RNF38: variants seen among roughly 807,000 people sequenced by gnomAD.
RNF38 encodes the protein E3 ubiquitin-protein ligase RNF38.
In RNF38, 15 loss-of-function variants were observed where a neutral mutation model predicts 67.2. That is an observed-to-expected ratio of 0.22 (90% CI 0.15 to 0.34). RNF38 has a LOEUF of 0.34. Ranked by LOEUF, RNF38 falls within the 10% of genes least tolerant of loss-of-function variation. The pLI is 1.00. For synonymous variants in RNF38, 220 were observed against 218.8 expected (o/e 1.01, Z -0.05); for missense variants, 524 against 639.9 (o/e 0.82, Z 1.95).
intron 1 of RNF38, among the ~76,000 whole-genome samples, chr9:36,462,546 T>TG (rs1839757759): frequency 6.6e-6 from 1 of 152,198 alleles, no homozygotes; most frequent in Non-Finnish European, 1.5e-5. Context: ...TGAACACTCC[T>TG]GTTCATGGAA....
chr9:36,487,259 G>C (rs1412960093), intron 1 of RNF38: 6 of 979,428 alleles, frequency 6.1e-6, no homozygotes, highest in Non-Finnish European at 7.3e-6. Context: ...CCCCACCCGC[G>C]GGACCGACCC....
At chr9:36,461,493 A>G (rs1295516940) in intron 1 of RNF38, among the ~76,000 whole-genome samples, 1 of 152,196 alleles carries the variant, frequency 6.6e-6, no homozygotes, top group Non-Finnish European at 1.5e-5. Context: ...CTGTAAATTC[A>G]AGTGCAATGG....
chr9:36,427,047 A>AT (rs1276797729), intron 1 of RNF38, among the ~76,000 whole-genome samples: 4 of 151,970 alleles, frequency 2.6e-5, no homozygotes, highest in Admixed American at 1.3e-4. Flanking sequence ...TAAGTCCTCA[A>AT]TTTTTTTTGC....
intron 1 of RNF38, among the ~76,000 whole-genome samples, chr9:36,434,260 GAGGGGAGGGGGGGAAGGGAT>G (rs894594165): frequency 1.6e-5 from 2 of 124,764 alleles, no homozygotes; most frequent in African/African-American, 6.1e-5. Context: ...GGGGAGGGGA[GAGGGGAGGGGGGGAAGGGAT>G]AGGGGAGAAG....
intron 2 of RNF38, among the ~76,000 whole-genome samples, chr9:36,422,574 T>A (rs1838660152): frequency 6.6e-6 from 1 of 152,248 alleles, no homozygotes; most frequent in South Asian, 2.1e-4. Flanking sequence ...TAGCTACCTA[T>A]CGATAAGTAC....
chr9:36,376,918 C>A (rs1385441713), intron 2 of RNF38, among the ~76,000 whole-genome samples: 3 of 106,268 alleles, frequency 2.8e-5, no homozygotes, highest in African/African-American at 1.1e-4. Flanking sequence ...AAGAGTGAGA[C>A]TCTGTCTCAA....
At chr9:36,380,703 A>G (rs1057097753) in intron 2 of RNF38, among the ~76,000 whole-genome samples, 1 of 152,114 alleles carries the variant, frequency 6.6e-6, no homozygotes, top group Non-Finnish European at 1.5e-5. Flanking sequence ...TATATTGCCC[A>G]GTTTGGTCTC....
At chr9:36,372,079 T>G (rs190640843) in intron 3 of RNF38, among the ~76,000 whole-genome samples, 2 of 152,118 alleles carry the variant, frequency 1.3e-5, no homozygotes, top group African/African-American at 4.8e-5. Context: ...TACAGGCGTC[T>G]GCCACCTTGC....
chr9:36,440,816 T>C (rs992786461), intron 1 of RNF38, among the ~76,000 whole-genome samples: 1 of 152,128 alleles, frequency 6.6e-6, no homozygotes, highest in Non-Finnish European at 1.5e-5. Context: ...AAAAAACCAC[T>C]AGTAAAATGA....
chr9:36,359,912 C>CTTTT (rs113019680), intron 4 of RNF38, among the ~76,000 whole-genome samples: 1 of 148,614 alleles, frequency 6.7e-6, no homozygotes, highest in Non-Finnish European at 1.5e-5. Flanking sequence ...CTACACCTGG[C>CTTTT]TTTTTTTTTT....
At chr9:36,358,882 G>A (rs762266311) in intron 4 of RNF38, among the ~76,000 whole-genome samples, 12 of 152,146 alleles carry the variant, frequency 7.9e-5, no homozygotes, top group Non-Finnish European at 1.3e-4. Flanking sequence ...GTGGTGGCGG[G>A]TGCCTGTAAT....
intron 1 of RNF38, among the ~76,000 whole-genome samples, chr9:36,442,741 T>A (rs1587143953): frequency 6.6e-6 from 1 of 152,234 alleles, no homozygotes; most frequent in Non-Finnish European, 1.5e-5. Flanking sequence ...ATCGTGCTAT[T>A]GCACTCTAGC....
intron 4 of RNF38, among the ~76,000 whole-genome samples, chr9:36,367,256 T>C (rs1835044375): frequency 6.6e-6 from 1 of 152,282 alleles, no homozygotes; most frequent in East Asian, 1.9e-4. Flanking sequence ...ATTAGCTCTT[T>C]TGATGCTTTC....
upstream of RNF38, chr9:36,400,751 G>A (rs1837955592): frequency 6.1e-6 from 6 of 985,644 alleles, no homozygotes; most frequent in African/African-American, 1.7e-5. Flanking sequence ...CACACGGGCC[G>A]CGCCAGGAAA....
At chr9:36,405,286 A>C (rs1172768401), upstream of RNF38, among the ~76,000 whole-genome samples, 5 of 152,110 alleles carry the variant, frequency 3.3e-5, no homozygotes, top group Non-Finnish European at 1.5e-5. Flanking sequence ...AAAATTCATA[A>C]ATGGATGTTT....
intron 11 of RNF38, among the ~76,000 whole-genome samples, 196 bp from the exon 12 acceptor site, chr9:36,340,010 G>A (rs777300792): frequency 5.9e-5 from 9 of 151,452 alleles, no homozygotes; most frequent in African/African-American, 1.5e-4. Flanking sequence ...ATGGAGTTTC[G>A]CTCTTGTTGC....
intron 3 of RNF38, among the ~76,000 whole-genome samples, chr9:36,373,589 C>G (rs1587540296): frequency 7.6e-6 from 1 of 131,760 alleles, no homozygotes; most frequent in Non-Finnish European, 1.6e-5. Flanking sequence ...TTTGTTAGCC[C>G]TTTTTTTTTT....
At chr9:36,360,618 C>G (rs1171670865) in intron 4 of RNF38, among the ~76,000 whole-genome samples, 1 of 152,126 alleles carries the variant, frequency 6.6e-6, no homozygotes, top group Non-Finnish European at 1.5e-5. Flanking sequence ...TTAGGGGTGT[C>G]CAACCTGAAT....
chr9:36,414,783 A>G (rs1201616539), intron 2 of RNF38, among the ~76,000 whole-genome samples: 1 of 152,038 alleles, frequency 6.6e-6, no homozygotes. Context: ...GTTTGTCTGA[A>G]TAAGACTTTT....
Sources: allele counts gnomAD v4.1 joint callset (sites outside exome capture counted in the v4.1 genomes callset), GRCh38; gene constraint gnomAD v4.1.1; transcripts MANE v1.5; gene names NCBI Gene and HGNC (gene_info 2026-07-23, HGNC 2026-07-21).